ATP8A2: variants seen among roughly 807,000 people sequenced by gnomAD.
The protein encoded by ATP8A2 is phospholipid-transporting ATPase IB.
Under a neutral mutation model 165.6 loss-of-function variants are expected in ATP8A2, and 100 were observed. The ratio of observed to expected loss-of-function variants is 0.60; its 90% CI spans 0.51 to 0.71. ATP8A2 has a LOEUF of 0.71. ATP8A2 is among the 30% of genes least tolerant of loss of function. ATP8A2 has a pLI of 0.00. For missense variants in ATP8A2, 1,227 were observed against 1,479.5 expected (o/e 0.83, Z 2.80); for synonymous variants, 543 against 548.8 (o/e 0.99, Z 0.15).
intron 1 of ATP8A2, among the ~76,000 whole-genome samples, chr13:25,427,605 C>T (rs79003750): frequency 0.013 from 2,051 of 152,032 alleles, 49 homozygotes; most frequent in African/African-American, 0.047. Flanking sequence ...CTAAAAAAAA[C>T]AAACAAATGG....
At chr13:25,711,584 C>A (rs1277742160) in intron 25 of ATP8A2, among the ~76,000 whole-genome samples, 1 of 151,942 alleles carries the variant, frequency 6.6e-6, no homozygotes, top group Non-Finnish European at 1.5e-5. Flanking sequence ...GCAAACAGAG[C>A]CTTAGGAGAA....
chr13:25,699,200 T>C lies in ATP8A2; in HGVS notation c.2239T>C (p.Cys747Arg), dbSNP rs1292589928. 4.3e-6 allele frequency: 7 copies of C among 1,610,196 alleles called. No homozygotes were observed. Among genetic ancestry groups the C allele is most frequent in the African/African-American group, 1.3e-5 (1 of 74,862 alleles). The change falls in exon 25 of 37, where the codon TGC (cysteine) becomes CGC (arginine). Residue 747 changes from cysteine (C) to arginine (R), a missense_variant. By Grantham distance (180) the Cys-to-Arg change is radical. Transcript: ENST00000381655. ...DATRAAITQH[C>R]TDLGNLLGKE... Reference sequence around the variant, plus strand: ...CACAAGGGCAGCCATTACTCAGCACTGCACTGACCTTGGGAATTTGCTGGG... The same window carrying C: ...CACAAGGGCAGCCATTACTCAGCACCGCACTGACCTTGGGAATTTGCTGGG...
At chr13:25,599,464 A>G (rs1048422557) in intron 24 of ATP8A2, among the ~76,000 whole-genome samples, 1 of 152,222 alleles carries the variant, frequency 6.6e-6, no homozygotes, top group African/African-American at 2.4e-5. Flanking sequence ...TGTGTTTCAT[A>G]CACTTTCCCA....
chr13:26,009,885 G>A (rs565098625), intron 35 of ATP8A2, among the ~76,000 whole-genome samples: 4 of 152,252 alleles, frequency 2.6e-5, no homozygotes, highest in African/African-American at 9.6e-5. Context: ...GGCCAACATG[G>A]CAAAACCCCA....
chr13:25,927,681 A>G (rs1954650498), intron 33 of ATP8A2, among the ~76,000 whole-genome samples: 1 of 152,246 alleles, frequency 6.6e-6, no homozygotes. Context: ...TGGTATATCC[A>G]GGCTGAATAA....
intron 35 of ATP8A2, among the ~76,000 whole-genome samples, chr13:26,006,563 A>G (rs1008104392): frequency 6.6e-6 from 1 of 152,034 alleles, no homozygotes; most frequent in African/African-American, 2.4e-5. Flanking sequence ...AGAAGTGCTG[A>G]AAGTTGGCAT....
chr13:25,536,653 C>T (rs1041463775), intron 6 of ATP8A2, among the ~76,000 whole-genome samples: 1 of 152,096 alleles, frequency 6.6e-6, no homozygotes, highest in Non-Finnish European at 1.5e-5. Flanking sequence ...ACTTGAAATT[C>T]CTGGTTTCTA....
intron 35 of ATP8A2, among the ~76,000 whole-genome samples, chr13:26,008,804 G>A (rs1252907822): frequency 2.0e-5 from 3 of 152,182 alleles, no homozygotes; most frequent in African/African-American, 7.2e-5. Context: ...TGTGTGTTCT[G>A]AAGTGTTTGC....
chr13:25,439,126 A>G (rs2034859951), intron 1 of ATP8A2, among the ~76,000 whole-genome samples: 4 of 152,196 alleles, frequency 2.6e-5, no homozygotes, highest in Admixed American at 2.0e-4. Context: ...ACAGGGCCAC[A>G]TCCCCCACAA....
chr13:25,965,524 T>C (rs1046861899), intron 34 of ATP8A2, among the ~76,000 whole-genome samples: 3 of 152,244 alleles, frequency 2.0e-5, no homozygotes, highest in African/African-American at 4.8e-5. Flanking sequence ...TTATATGTGA[T>C]ACCTGGCTAA....
chr13:25,931,291 G>A (rs565168460), intron 33 of ATP8A2, among the ~76,000 whole-genome samples: 4 of 152,326 alleles, frequency 2.6e-5, no homozygotes, highest in East Asian at 1.9e-4. Flanking sequence ...AATGAATTTC[G>A]TGTTTAGACC....
intron 24 of ATP8A2, among the ~76,000 whole-genome samples, chr13:25,617,949 A>G (rs1359929183): frequency 6.6e-6 from 1 of 152,190 alleles, no homozygotes; most frequent in East Asian, 1.9e-4. Context: ...CATTTTATAT[A>G]TATTAAATCA....
chr13:25,664,101 C>T (rs377661132), intron 24 of ATP8A2, among the ~76,000 whole-genome samples: 2 of 151,938 alleles, frequency 1.3e-5, no homozygotes, highest in Admixed American at 6.6e-5. Context: ...CCCAGCTCCT[C>T]GGGAGCCTGA....
chr13:25,382,727 C>T (rs550482176), intron 1 of ATP8A2, among the ~76,000 whole-genome samples: 1 of 148,938 alleles, frequency 6.7e-6, no homozygotes, highest in Non-Finnish European at 1.5e-5. Context: ...TGTATATCTT[C>T]TTTGGTGAAA....
chr13:25,626,357 A>G (rs1425611619), intron 24 of ATP8A2, among the ~76,000 whole-genome samples: 1 of 152,188 alleles, frequency 6.6e-6, no homozygotes, highest in African/African-American at 2.4e-5. Flanking sequence ...AGAGGGCACC[A>G]TATTGCAAGA....
chr13:25,837,049 T>G, intron 28 of ATP8A2, 114 bp from the exon 29 acceptor site: 1 of 1,300,488 alleles, frequency 7.7e-7, no homozygotes, highest in Admixed American at 2.2e-5. Flanking sequence ...CTGTGAATCA[T>G]GGAGTCTCAG....
chr13:25,798,975 G>A (rs1234184094), intron 27 of ATP8A2, among the ~76,000 whole-genome samples: 1 of 151,706 alleles, frequency 6.6e-6, no homozygotes, highest in Non-Finnish European at 1.5e-5. Flanking sequence ...GCAACATAGT[G>A]AGACCCCCAT....
At chr13:25,566,044 A>C (rs911146156) in intron 16 of ATP8A2, among the ~76,000 whole-genome samples, 5 of 152,178 alleles carry the variant, frequency 3.3e-5, no homozygotes, top group African/African-American at 1.2e-4. Context: ...AAATTTTAAG[A>C]GACAGATATA....
At chr13:25,666,870 T>A (rs1276934350) in intron 24 of ATP8A2, among the ~76,000 whole-genome samples, 2 of 152,244 alleles carry the variant, frequency 1.3e-5, no homozygotes, top group African/African-American at 4.8e-5. Context: ...TTAGAAAAAG[T>A]ACTTTTATTC....
Sources: allele counts gnomAD v4.1 joint callset (sites outside exome capture counted in the v4.1 genomes callset), GRCh38; gene constraint gnomAD v4.1.1; transcripts MANE v1.5; gene names NCBI Gene and HGNC (gene_info 2026-07-23, HGNC 2026-07-21).